LRRTM4: variants seen among roughly 807,000 people sequenced by gnomAD.
LRRTM4 encodes the protein leucine-rich repeat transmembrane neuronal protein 4.
Under a neutral mutation model 47.6 loss-of-function variants are expected in LRRTM4, and 25 were observed. The ratio of observed to expected loss-of-function variants is 0.53; its 90% CI spans 0.38 to 0.73. The LOEUF (loss-of-function observed/expected upper bound fraction) is 0.73, where lower values mean the gene tolerates loss of function less well. Among genes scored for constraint, LRRTM4 ranks in the 30% least tolerant of loss-of-function variants. The pLI, the probability that LRRTM4 is intolerant of heterozygous loss-of-function variation, is 0.00. For synonymous variants in LRRTM4, 311 were observed against 269.5 expected, an observed-to-expected ratio of 1.15 and a Z score of -1.51; for missense variants, 638 against 713.4, an observed-to-expected ratio of 0.89 and a Z score of 1.20.
intron 3 of LRRTM4, among the ~76,000 whole-genome samples, chr2:76,787,332 C>G (rs1674728488): frequency 6.6e-6 from 1 of 152,038 alleles, no homozygotes; most frequent in Non-Finnish European, 1.5e-5. Flanking sequence ...TGGCAACTTC[C>G]TGGTCATAAT....
At chr2:76,845,328 T>TA (rs1252873397) in intron 3 of LRRTM4, among the ~76,000 whole-genome samples, 1 of 151,930 alleles carries the variant, frequency 6.6e-6, no homozygotes, top group Non-Finnish European at 1.5e-5. Context: ...CCGTCTCTAC[T>TA]AAAAAATACA....
intron 3 of LRRTM4, among the ~76,000 whole-genome samples, chr2:77,012,544 A>G (rs1012291984): frequency 4.6e-5 from 7 of 152,230 alleles, no homozygotes; most frequent in African/African-American, 1.2e-4. Context: ...CCTGGGCAGG[A>G]TTGATGAGTG....
chr2:77,030,810 C>T (rs892739151), intron 3 of LRRTM4, among the ~76,000 whole-genome samples: 1 of 152,082 alleles, frequency 6.6e-6, no homozygotes, highest in Non-Finnish European at 1.5e-5. Context: ...TAAGTAATGC[C>T]AAATAATCTG....
At chr2:77,045,711 A>AT (rs1679211317) in intron 3 of LRRTM4, among the ~76,000 whole-genome samples, 1 of 151,900 alleles carries the variant, frequency 6.6e-6, no homozygotes, top group Non-Finnish European at 1.5e-5. Flanking sequence ...TTCCACCATG[A>AT]TTGTGAGGCT....
chr2:76,830,692 A>T (rs564803136), intron 3 of LRRTM4, among the ~76,000 whole-genome samples: 22 of 152,138 alleles, frequency 1.4e-4, no homozygotes, highest in African/African-American at 5.3e-4. Context: ...AATTATCATC[A>T]AAATGTCTTT....
At chr2:77,442,054 C>A (rs1675862462) in intron 3 of LRRTM4, among the ~76,000 whole-genome samples, 1 of 152,128 alleles carries the variant, frequency 6.6e-6, no homozygotes, top group Non-Finnish European at 1.5e-5. Context: ...TTCAGAAATT[C>A]TTTAGTACCA....
intron 3 of LRRTM4, among the ~76,000 whole-genome samples, chr2:76,914,330 C>G (rs1674172789): frequency 6.6e-6 from 1 of 151,908 alleles, no homozygotes; most frequent in Non-Finnish European, 1.5e-5. Context: ...TGACTTATTT[C>G]TGTTTCTTTA....
rs1558670811 is a variant in LRRTM4, at chr2:76,812,792, C to CCCCCTCTTCCTCCTCCTCTCCCTA, written c.1552-63877_1552-63876insTAGGGAGAGGAGGAGGAAGAGGGG. Among the ~76,000 whole-genome samples the CCCCCTCTTCCTCCTCCTCTCCCTA allele has an allele frequency of 2.5e-3, 283 of 114,086 alleles. 3 individuals carry two copies. The highest frequency in any genetic ancestry group is 9.2e-3 in the African/African-American group (272 of 29,534). The allele number at this position is 114,086 out of a possible 152,430, so 74.8% of individuals were successfully genotyped here. ...TCTCCCTCCCCCTCCTCCTCTCCCT[C>CCCCCTCTTCCTCCTCCTCTCCCTA]CCCCCCCTCCTCCTCCTTATTCTTC... On this transcript the variant is annotated intron_variant, in intron 3 of 3. Transcript: ENST00000409884.
intron 3 of LRRTM4, among the ~76,000 whole-genome samples, chr2:77,279,972 C>T (rs907041581): frequency 2.0e-5 from 3 of 151,930 alleles, no homozygotes; most frequent in Non-Finnish European, 2.9e-5. Context: ...ACTCCCCACT[C>T]GAAGATGTCC....
chr2:77,005,612 G>T (rs1677613281), intron 3 of LRRTM4, among the ~76,000 whole-genome samples: 1 of 152,258 alleles, frequency 6.6e-6, no homozygotes, highest in South Asian at 2.1e-4. Context: ...GATTTTTCTT[G>T]TGCTTTTGTC....
intron 3 of LRRTM4, among the ~76,000 whole-genome samples, chr2:77,342,580 G>C (rs1671412652): frequency 6.6e-6 from 1 of 151,570 alleles, no homozygotes; most frequent in African/African-American, 2.4e-5. Context: ...ATTCTTCATG[G>C]GAAAATAGAA....
At chr2:77,090,173 G>A (rs1032264018) in intron 3 of LRRTM4, among the ~76,000 whole-genome samples, 1 of 152,078 alleles carries the variant, frequency 6.6e-6, no homozygotes, top group Non-Finnish European at 1.5e-5. Context: ...GTTTCGTTCC[G>A]TGACTAGCCC....
chr2:77,168,715 C>G (rs1183050414), intron 3 of LRRTM4, among the ~76,000 whole-genome samples: 2 of 152,114 alleles, frequency 1.3e-5, no homozygotes, highest in African/African-American at 4.8e-5. Context: ...ATCCTTCCCA[C>G]CTTTTGAAAA....
At chr2:77,358,591 A>C (rs1672060488) in intron 3 of LRRTM4, among the ~76,000 whole-genome samples, 1 of 152,202 alleles carries the variant, frequency 6.6e-6, no homozygotes, top group Non-Finnish European at 1.5e-5. Flanking sequence ...CACATATTTG[A>C]ATATTTTTAA....
chr2:77,105,965 C>G (rs1388498991), intron 3 of LRRTM4, among the ~76,000 whole-genome samples: 4 of 152,122 alleles, frequency 2.6e-5, no homozygotes, highest in African/African-American at 9.7e-5. Flanking sequence ...ACAACTTTCT[C>G]CATGAAATTC....
intron 3 of LRRTM4, among the ~76,000 whole-genome samples, chr2:77,159,849 A>T: frequency 6.6e-6 from 1 of 152,214 alleles, no homozygotes; most frequent in African/African-American, 2.4e-5. Context: ...TTCTTCCACC[A>T]TTTGCTTTAG....
At chr2:76,781,485 G>T (rs1419238278) in intron 3 of LRRTM4, among the ~76,000 whole-genome samples, 1 of 152,238 alleles carries the variant, frequency 6.6e-6, no homozygotes, top group East Asian at 1.9e-4. Context: ...CGTCTGAAAA[G>T]CGCAGTATTC....
chr2:77,494,452 C>T (rs1057485539), intron 3 of LRRTM4, among the ~76,000 whole-genome samples: 2 of 151,788 alleles, frequency 1.3e-5, no homozygotes, highest in Admixed American at 1.3e-4. Flanking sequence ...AATCCAGTTC[C>T]CCAACATTTA....
rs138869711 is a variant in LRRTM4 at position 76,942,392 on chromosome 2, C to T, written c.1552-193476G>A. On this transcript the variant is annotated intron_variant, in intron 3 of 3. Transcript: ENST00000409884. Reference sequence around the variant, plus strand: ...ATTTTAAAAGCATAGTATGTGCCAGCTGACGGGGTGTTAAGATTTAAAGAT... The same window carrying T: ...ATTTTAAAAGCATAGTATGTGCCAGTTGACGGGGTGTTAAGATTTAAAGAT... Among the ~76,000 whole-genome samples the T allele has an allele frequency of 8.4e-3, 1,274 of 151,998 alleles. 24 individuals carry two copies. Among genetic ancestry groups the T allele is most frequent in the African/African-American group, 0.028 (1,169 of 41,442 alleles).
Sources: gnomAD v4.1 joint callset for allele counts (sites outside exome capture counted in the v4.1 genomes callset) on GRCh38, gnomAD v4.1.1 for gene constraint, MANE v1.5 for transcripts, NCBI Gene and HGNC (gene_info 2026-07-23, HGNC 2026-07-21) for gene names.